Variants in SH3PXD2A observed in about 807,000 individuals in gnomAD.
The protein encoded by SH3PXD2A is SH3 and PX domain-containing protein 2A.
SH3PXD2A carries 32 observed loss-of-function variants against 115.2 expected under a neutral mutation model. The ratio of observed to expected loss-of-function variants is 0.28; its 90% CI spans 0.21 to 0.37. The LOEUF is 0.37. Among genes scored for constraint, SH3PXD2A ranks in the 10% least tolerant of loss-of-function variants. The pLI, the probability that SH3PXD2A is intolerant of heterozygous loss-of-function variation, is 1.00. For missense variants in SH3PXD2A, 1,328 were observed against 1,498.7 expected (o/e 0.89, Z 1.88); for synonymous variants, 610 against 629.1 (o/e 0.97, Z 0.45).
At chr10:103,796,718 C>A (rs1267134901) in intron 2 of SH3PXD2A, among the ~76,000 whole-genome samples, 1 of 152,160 alleles carries the variant, frequency 6.6e-6, no homozygotes, top group African/African-American at 2.4e-5. Context: ...CTACTTCCAC[C>A]CTCGCCTCTC....
intron 3 of SH3PXD2A, among the ~76,000 whole-genome samples, chr10:103,740,708 C>A (rs1416933304): frequency 6.6e-6 from 1 of 152,252 alleles, no homozygotes; most frequent in Non-Finnish European, 1.5e-5. Flanking sequence ...CCTCTTCACA[C>A]TCACAGTGTC....
intron 1 of SH3PXD2A, among the ~76,000 whole-genome samples, chr10:103,851,219 G>A (rs546099024): frequency 6.6e-6 from 1 of 151,778 alleles, no homozygotes; most frequent in East Asian, 1.9e-4. Context: ...TAGCTCCCAG[G>A]ACCAAGAATA....
chr10:103,814,786 T>C (rs760961172), intron 1 of SH3PXD2A, among the ~76,000 whole-genome samples: 3 of 152,212 alleles, frequency 2.0e-5, no homozygotes, highest in Admixed American at 6.5e-5. Context: ...GGCAGTAAGC[T>C]AGACAGGGTC....
intron 5 of SH3PXD2A, among the ~76,000 whole-genome samples, chr10:103,715,793 C>T (rs1291996797): frequency 6.6e-6 from 1 of 152,224 alleles, no homozygotes; most frequent in African/African-American, 2.4e-5. Context: ...ATGTGGGGCT[C>T]CTGGAGGAGA....
At chr10:103,607,709 A>AG (rs975725489) in intron 13 of SH3PXD2A, among the ~76,000 whole-genome samples, 2 of 152,226 alleles carry the variant, frequency 1.3e-5, no homozygotes, top group Admixed American at 1.3e-4. Context: ...TGGAATAGAA[A>AG]GGGGGGAAAG....
intron 1 of SH3PXD2A, among the ~76,000 whole-genome samples, chr10:103,816,423 C>A (rs2039324404): frequency 1.3e-5 from 2 of 152,130 alleles, no homozygotes; most frequent in Admixed American, 1.3e-4. Context: ...AAGTCATTAG[C>A]AATTAGGGAA....
At chr10:103,820,922 A>G (rs1397738424) in intron 1 of SH3PXD2A, among the ~76,000 whole-genome samples, 2 of 152,204 alleles carry the variant, frequency 1.3e-5, no homozygotes, top group African/African-American at 4.8e-5. Flanking sequence ...GTACAGCCAA[A>G]ACCAATTCAG....
chr10:103,691,389 A>G (rs1278250079), intron 6 of SH3PXD2A, among the ~76,000 whole-genome samples: 1 of 152,180 alleles, frequency 6.6e-6, no homozygotes, highest in Non-Finnish European at 1.5e-5. Flanking sequence ...AACTTGCCTA[A>G]GGTCACACAG....
At chr10:103,851,394 A>AG (rs1177630953) in intron 1 of SH3PXD2A, among the ~76,000 whole-genome samples, 1 of 152,162 alleles carries the variant, frequency 6.6e-6, no homozygotes, top group African/African-American at 2.4e-5. Flanking sequence ...ACTCACCTGC[A>AG]GGGCACATGG....
At chr10:103,662,296 C>T (rs1281778115) in intron 7 of SH3PXD2A, among the ~76,000 whole-genome samples, 1 of 122,852 alleles carries the variant, frequency 8.1e-6, no homozygotes, top group Admixed American at 1.1e-4. Context: ...GCACTGGATG[C>T]TGCTTAAACC....
chr10:103,855,208 G>A lies in SH3PXD2A; in HGVS notation c.59C>T (p.Pro20Leu). The A allele has an allele frequency of 1.3e-6, 2 of 1,537,828 alleles. No individual in the cohort carries two copies. Among genetic ancestry groups the A allele is most frequent in the Non-Finnish European group, 1.8e-6 (2 of 1,140,442 alleles). ...TVVDVEKRRN[P>L]SKHYVYIINV... ...GGCTGTACTCACGTAGTGCTTGGAG[G>A]GGTTCCTCCGCTTCTCCACGTCCAC... Residue 20 changes from proline to leucine, a missense_variant, in exon 1 of 15, where the codon CCC (proline) becomes CTC (leucine). By Grantham distance (98) the Pro-to-Leu change is moderately conservative. This residue lies in a region of SH3PXD2A where 110 missense variants were observed against 160.0 expected (regional missense o/e 0.69). Coordinates refer to ENST00000369774, the MANE Select transcript of SH3PXD2A (RefSeq NM_001394015.1).
At chr10:103,854,103 G>T (rs944552709) in intron 1 of SH3PXD2A, among the ~76,000 whole-genome samples, 5 of 152,250 alleles carry the variant, frequency 3.3e-5, no homozygotes, top group Non-Finnish European at 4.4e-5. Flanking sequence ...TGGTGACAAA[G>T]GCAAAAAGAG....
intron 1 of SH3PXD2A, among the ~76,000 whole-genome samples, chr10:103,827,332 T>TTCTCACC (rs2039440244): frequency 6.6e-6 from 1 of 152,142 alleles, no homozygotes. Flanking sequence ...CCTTTCTCCC[T>TTCTCACC]TCTCACCTCT....
intron 6 of SH3PXD2A, among the ~76,000 whole-genome samples, chr10:103,689,745 GGGAAGATGCT>G (rs142659371): frequency 0.019 from 2,821 of 152,254 alleles, 93 homozygotes; most frequent in African/African-American, 0.065. Context: ...TCCTGAGATG[GGGAAGATGCT>G]GGAAGGAGCA....
At chr10:103,788,111 T>G (rs765226390) in intron 2 of SH3PXD2A, among the ~76,000 whole-genome samples, 1 of 152,120 alleles carries the variant, frequency 6.6e-6, no homozygotes, top group Non-Finnish European at 1.5e-5. Flanking sequence ...CCTTCCCCTC[T>G]CCAGGGATGC....
intron 5 of SH3PXD2A, among the ~76,000 whole-genome samples, chr10:103,702,596 C>CCTGTGTGTGTGTGTGT (rs72182362): frequency 1.4e-5 from 2 of 147,448 alleles, no homozygotes; most frequent in African/African-American, 5.0e-5. Context: ...TGTGTGTGTG[C>CCTGTGTGTGTGTGTGT]GTGTGTGTGT....
At chr10:103,809,702 TGAGA>T (rs1456763551) in intron 1 of SH3PXD2A, among the ~76,000 whole-genome samples, 2 of 126,096 alleles carry the variant, frequency 1.6e-5, no homozygotes, top group Non-Finnish European at 3.2e-5. Flanking sequence ...TTCCTTCTTT[TGAGA>T]GAGAGTCTCG....
intron 6 of SH3PXD2A, among the ~76,000 whole-genome samples, chr10:103,677,156 C>A (rs1441850925): frequency 6.6e-6 from 1 of 152,216 alleles, no homozygotes; most frequent in Non-Finnish European, 1.5e-5. Context: ...TGTGGAATGT[C>A]TCCTTCTCTC....
chr10:103,847,282 C>T (rs930339820), intron 1 of SH3PXD2A, among the ~76,000 whole-genome samples: 3 of 151,912 alleles, frequency 2.0e-5, no homozygotes, highest in Non-Finnish European at 4.4e-5. Context: ...GGTAGCTAGA[C>T]TACAGGTGTT....
Sources: gnomAD v4.1 joint callset for allele counts (sites outside exome capture counted in the v4.1 genomes callset) on GRCh38, gnomAD v4.1.1 for gene constraint, gnomAD v4.1.1 regional missense constraint, MANE v1.5 for transcripts, NCBI Gene and HGNC (gene_info 2026-07-23, HGNC 2026-07-21) for gene names.